The following SLC44A5 variants were observed in gnomAD, a reference collection of about 807,000 sequenced individuals.
SLC44A5 encodes solute carrier family 44 member 5.
Under a neutral mutation model 101.8 loss-of-function variants are expected in SLC44A5, and 57 were observed. The observed-to-expected ratio is 0.56, with a 90% CI of 0.45 to 0.70. SLC44A5 has a LOEUF of 0.70. SLC44A5 is among the 30% of genes least tolerant of loss of function. SLC44A5 has a pLI of 0.00. For missense variants in SLC44A5, 737 were observed against 853.1 expected, an observed-to-expected ratio of 0.86 and a Z score of 1.70; for synonymous variants, 281 against 290.9, an observed-to-expected ratio of 0.97 and a Z score of 0.35.
chr1:75,683,730 C>T, the SLC44A5 span, among the ~76,000 whole-genome samples: 4 of 150,034 alleles, frequency 2.7e-5, no homozygotes, highest in East Asian at 1.9e-4. Flanking sequence ...ACAATGTGCA[C>T]GTGTACCCTA....
intron 2 of SLC44A5, among the ~76,000 whole-genome samples, chr1:75,531,570 G>A (rs1480371993): frequency 6.6e-6 from 1 of 152,174 alleles, no homozygotes; most frequent in African/African-American, 2.4e-5. Flanking sequence ...TCTAAGGTGG[G>A]CTCTGAGAGT....
At chr1:75,586,660 C>G (rs2102089092) in intron 1 of SLC44A5, among the ~76,000 whole-genome samples, 1 of 152,018 alleles carries the variant, frequency 6.6e-6, no homozygotes, top group East Asian at 1.9e-4. Context: ...TGCAGGTCCA[C>G]TATACCATAT....
chr1:75,385,807 C>G (rs1661290607), intron 3 of SLC44A5, among the ~76,000 whole-genome samples: 1 of 151,898 alleles, frequency 6.6e-6, no homozygotes, highest in African/African-American at 2.4e-5. Context: ...CAAAAATCCT[C>G]AATAAAATAC....
intron 2 of SLC44A5, among the ~76,000 whole-genome samples, chr1:75,530,056 A>G (rs1670634950): frequency 6.6e-6 from 1 of 152,088 alleles, no homozygotes; most frequent in African/African-American, 2.4e-5. Context: ...AAGAAATAAC[A>G]TCTTTTTTTT....
At chr1:75,302,837 A>T (rs998883403) in intron 4 of SLC44A5, among the ~76,000 whole-genome samples, 3 of 152,216 alleles carry the variant, frequency 2.0e-5, no homozygotes, top group African/African-American at 7.2e-5. Flanking sequence ...GGTGGCCTGG[A>T]TAACGTGGAT....
chr1:75,296,366 CTTTT>C (rs200894510), intron 5 of SLC44A5, among the ~76,000 whole-genome samples: 2 of 144,502 alleles, frequency 1.4e-5, no homozygotes. Context: ...GTTTTTTTTT[CTTTT>C]TTTTTTTTTT....
intron 3 of SLC44A5, among the ~76,000 whole-genome samples, chr1:75,353,564 A>C (rs1173182039): frequency 6.6e-6 from 1 of 152,156 alleles, no homozygotes; most frequent in East Asian, 1.9e-4. Flanking sequence ...TTTATCTTAG[A>C]GCTGTCTTTT....
intron 2 of SLC44A5, among the ~76,000 whole-genome samples, chr1:75,467,784 T>C (rs746114745): frequency 4.6e-5 from 7 of 152,128 alleles, no homozygotes; most frequent in Non-Finnish European, 1.0e-4. Context: ...AAGAATTTCT[T>C]GAGTAATACC....
chr1:75,527,541 A>C (rs957217325), intron 2 of SLC44A5, among the ~76,000 whole-genome samples: 4 of 152,194 alleles, frequency 2.6e-5, no homozygotes, highest in African/African-American at 9.7e-5. Flanking sequence ...TGCCTTGGAC[A>C]ATGACAGCAT....
chr1:75,427,260 A>T (rs1413322525), intron 2 of SLC44A5, among the ~76,000 whole-genome samples: 1 of 152,172 alleles, frequency 6.6e-6, no homozygotes, highest in East Asian at 1.9e-4. Context: ...ACCTTCATTA[A>T]TTTTTGGGCA....
At chr1:75,476,525 G>A (rs945536283) in intron 2 of SLC44A5, among the ~76,000 whole-genome samples, 1 of 152,172 alleles carries the variant, frequency 6.6e-6, no homozygotes, top group African/African-American at 2.4e-5. Flanking sequence ...GACGGCACCT[G>A]GAAAATCAGG....
intron 2 of SLC44A5, among the ~76,000 whole-genome samples, chr1:75,466,971 A>T (rs540982255): frequency 4.6e-5 from 7 of 152,332 alleles, no homozygotes; most frequent in African/African-American, 1.7e-4. Context: ...GAATTGATCA[A>T]CAAATTCAGT....
chr1:75,237,279 G>A (rs1648177302), intron 10 of SLC44A5, among the ~76,000 whole-genome samples: 2 of 152,066 alleles, frequency 1.3e-5, no homozygotes, highest in Admixed American at 6.6e-5. Flanking sequence ...CACGCAGAGA[G>A]AACATGGTTT....
intron 6 of SLC44A5, among the ~76,000 whole-genome samples, chr1:75,266,892 A>G (rs1053164152): frequency 1.3e-5 from 2 of 152,228 alleles, no homozygotes; most frequent in Admixed American, 6.6e-5. Flanking sequence ...ATAAGTATCT[A>G]AGACAGTAAA....
chr1:75,439,485 A>C (rs2101621323), intron 2 of SLC44A5, among the ~76,000 whole-genome samples: 1 of 152,286 alleles, frequency 6.6e-6, no homozygotes, highest in South Asian at 2.1e-4. Flanking sequence ...CAGGAGGCTG[A>C]GGCAGGAGGA....
intron 10 of SLC44A5, among the ~76,000 whole-genome samples, chr1:75,237,806 C>A (rs1648233581): frequency 6.6e-6 from 1 of 151,960 alleles, no homozygotes; most frequent in African/African-American, 2.4e-5. Context: ...TATTCTAAAT[C>A]TGCAGGAACT....
the SLC44A5 span, among the ~76,000 whole-genome samples, chr1:75,657,347 G>A: frequency 7.2e-5 from 11 of 152,106 alleles, no homozygotes; most frequent in Non-Finnish European, 1.5e-4. Context: ...TCAGGAGTTT[G>A]AAACCAGTCT....
intron 2 of SLC44A5, among the ~76,000 whole-genome samples, chr1:75,399,034 C>T (rs1249780): frequency 0.63 from 95,840 of 151,582 alleles, 31,974 homozygotes; most frequent in East Asian, 0.96. Flanking sequence ...TACCACACTT[C>T]ATTCCCTTTT....
chr1:75,557,496 G>C (rs993139340), intron 1 of SLC44A5, among the ~76,000 whole-genome samples: 14 of 152,070 alleles, frequency 9.2e-5, no homozygotes, highest in African/African-American at 3.4e-4. Flanking sequence ...CCTTGTGATA[G>C]AGCACCAGTT....
Sources: allele counts gnomAD v4.1 joint callset (sites outside exome capture counted in the v4.1 genomes callset), GRCh38; gene constraint gnomAD v4.1.1; transcripts MANE v1.5; gene names NCBI Gene and HGNC (gene_info 2026-07-23, HGNC 2026-07-21).